The following NTRK2 variants were observed in gnomAD, a reference collection of about 807,000 sequenced individuals.
The protein encoded by NTRK2 is BDNF/NT-3 growth factors receptor.
NTRK2 carries 13 observed loss-of-function variants against 94.5 expected under a neutral mutation model. The ratio of observed to expected loss-of-function variants is 0.14; its 90% CI spans 0.09 to 0.22. The LOEUF (loss-of-function observed/expected upper bound fraction) is 0.22, where lower values mean the gene tolerates loss of function less well. Among genes scored for constraint, NTRK2 ranks in the 10% least tolerant of loss-of-function variants. The pLI is 1.00. For synonymous variants in NTRK2, 372 were observed against 407.4 expected (o/e 0.91, Z 1.05); for missense variants, 639 against 1,071.2 (o/e 0.60, Z 5.63).
At chr9:84,751,559 C>A (rs1008998537) in intron 11 of NTRK2, among the ~76,000 whole-genome samples, 1 of 151,954 alleles carries the variant, frequency 6.6e-6, no homozygotes, top group African/African-American at 2.4e-5. Context: ...TTAGCCTGAG[C>A]AACAAAGTGA....
chr9:84,750,245 C>A (rs552643801), intron 11 of NTRK2, among the ~76,000 whole-genome samples: 132 of 152,204 alleles, frequency 8.7e-4, no homozygotes, highest in African/African-American at 3.1e-3. Flanking sequence ...TGTCAAGTGT[C>A]CCCTGGATGG....
intron 14 of NTRK2, among the ~76,000 whole-genome samples, chr9:84,888,696 C>T (rs1050975288): frequency 6.7e-6 from 1 of 148,520 alleles, no homozygotes; most frequent in Non-Finnish European, 1.5e-5. Context: ...CTCAAAGCCA[C>T]CCCAGGGACT....
chr9:84,779,075 G>GC (rs2067317173), intron 12 of NTRK2, among the ~76,000 whole-genome samples: 1 of 152,126 alleles, frequency 6.6e-6, no homozygotes, highest in Non-Finnish European at 1.5e-5. Flanking sequence ...TGATTAGAAG[G>GC]CTTCAATTAC....
chr9:84,775,294 G>T (rs900158532), intron 12 of NTRK2, among the ~76,000 whole-genome samples: 5 of 152,238 alleles, frequency 3.3e-5, no homozygotes, highest in Non-Finnish European at 1.5e-5. Flanking sequence ...AGGTGACAGA[G>T]CGGGGACAAC....
intron 17 of NTRK2, among the ~76,000 whole-genome samples, chr9:84,960,798 C>T (rs921732409): frequency 6.6e-6 from 1 of 152,198 alleles, no homozygotes; most frequent in African/African-American, 2.4e-5. Context: ...ATCTATGTCT[C>T]TCATTAATAT....
In NTRK2 at chr9:84,670,595, G is replaced by C. The variant is rs937776970; in HGVS notation, c.-154G>C. The stretch of plus-strand genomic sequence containing the variant: ...CCGGAACACTCTTCGCTCCGGACCA[G>C]CTCAGCCTCTGATAAGCTGGACTCG... On this transcript the variant is annotated 5_prime_UTR_variant, in exon 2 of 19. Coordinates refer to ENST00000277120, the MANE Select transcript of NTRK2 (RefSeq NM_006180.6). 9 of 774,452 alleles carry C rather than the reference G, an allele frequency of 1.2e-5. No individual in the cohort carries two copies. The highest frequency in any genetic ancestry group is 1.3e-5 in the Non-Finnish European group (6 of 453,432). The allele number at this position is 774,452 out of a possible 1,614,324, so 48.0% of individuals were successfully genotyped here.
In NTRK2 at chr9:84,676,714, C is replaced by T. The variant is rs77142443; in HGVS notation, c.212+5754C>T. The stretch of plus-strand genomic sequence containing the variant: ...CTCCGTTCTGTGTTCTCAAACAGAC[C>T]GCCTAATTCTGGCTCATCATTTTAT... On this transcript the variant is annotated intron_variant, in intron 2 of 18. Coordinates refer to ENST00000277120, the MANE Select transcript of NTRK2 (RefSeq NM_006180.6). 4.7e-3 allele frequency among the ~76,000 whole-genome samples: 710 copies of T among 152,208 alleles called. 3 individuals carry two copies. Among genetic ancestry groups the T allele is most frequent in the African/African-American group, 0.016 (667 of 41,528 alleles).
At chr9:84,830,365 A>G (rs1040522751) in intron 12 of NTRK2, among the ~76,000 whole-genome samples, 2 of 152,194 alleles carry the variant, frequency 1.3e-5, no homozygotes, top group African/African-American at 4.8e-5. Flanking sequence ...GGGCATTTAA[A>G]TATTAGCACC....
In NTRK2 at chr9:84,770,153, AACACACACAC is replaced by A. The variant is rs35363257; in HGVS notation, c.1396+18100_1396+18109del. Among the ~76,000 whole-genome samples, 602 of 137,040 alleles carry A rather than the reference AACACACACAC, an allele frequency of 4.4e-3. 3 individuals carry two copies. Among genetic ancestry groups the A allele is most frequent in the African/African-American group, 0.015 (547 of 35,892 alleles). 89.9% of individuals were successfully genotyped at this position (137,040 alleles called of 152,430 possible). On this transcript the variant is annotated intron_variant, in intron 12 of 18. Transcript: ENST00000277120. ...TCCCCACTCCTGGCATGTGCATGAG[AACACACACAC>A]ACACACACACACACACACACACACA...
intron 10 of NTRK2, among the ~76,000 whole-genome samples, chr9:84,742,449 G>T (rs1211001270): frequency 6.6e-6 from 1 of 152,174 alleles, no homozygotes; most frequent in Non-Finnish European, 1.5e-5. Context: ...CTTCACTGAA[G>T]GCTGGTCCCC....
At chr9:84,693,138 A>C (rs113414991) in intron 2 of NTRK2, among the ~76,000 whole-genome samples, 3,935 of 152,296 alleles carry the variant, frequency 0.026, 73 homozygotes, top group Admixed American at 0.047. Flanking sequence ...TTAGTGACTA[A>C]TTAAAATTTT....
chr9:84,682,404 T>G (rs2059444482), intron 2 of NTRK2, among the ~76,000 whole-genome samples: 1 of 152,210 alleles, frequency 6.6e-6, no homozygotes, highest in Non-Finnish European at 1.5e-5. Context: ...TGAATACACT[T>G]TGTAACTCTT....
chr9:84,702,108 G>A, intron 2 of NTRK2, 51 bp from the exon 3 acceptor site: 1 of 1,538,126 alleles, frequency 6.5e-7, no homozygotes, highest in Non-Finnish European at 9.0e-7. Flanking sequence ...TCTTCATGGT[G>A]CTGCTGCCTA....
At chr9:84,901,701 A>G (rs1204256998) in intron 14 of NTRK2, among the ~76,000 whole-genome samples, 1 of 152,128 alleles carries the variant, frequency 6.6e-6, no homozygotes, top group Non-Finnish European at 1.5e-5. Flanking sequence ...AAATGCAATA[A>G]TGATGGTGGT....
chr9:84,758,140 T>G (rs1224480781), intron 12 of NTRK2, among the ~76,000 whole-genome samples: 1 of 151,758 alleles, frequency 6.6e-6, no homozygotes, highest in Non-Finnish European at 1.5e-5. Flanking sequence ...ATATATATAT[T>G]TATTTATTCA....
At chr9:84,783,795 T>C (rs2067849499) in intron 12 of NTRK2, among the ~76,000 whole-genome samples, 1 of 150,666 alleles carries the variant, frequency 6.6e-6, no homozygotes, top group African/African-American at 2.4e-5. Flanking sequence ...GGTAGAGAAT[T>C]GGGAGAAGAG....
At chr9:84,749,953 C>T (rs564821854) in intron 11 of NTRK2, among the ~76,000 whole-genome samples, 2 of 152,304 alleles carry the variant, frequency 1.3e-5, no homozygotes, top group East Asian at 1.9e-4. Context: ...TGCTTCATTT[C>T]GTGTATTGGC....
chr9:84,972,279 C>T (rs542613824), intron 17 of NTRK2, among the ~76,000 whole-genome samples: 42 of 152,298 alleles, frequency 2.8e-4, no homozygotes, highest in Non-Finnish European at 5.9e-4. Context: ...TAAAGAGGAA[C>T]TAAGAACGAG....
chr9:84,736,603 T>C (rs1239390113), intron 9 of NTRK2, among the ~76,000 whole-genome samples: 1 of 152,232 alleles, frequency 6.6e-6, no homozygotes, highest in Non-Finnish European at 1.5e-5. Flanking sequence ...AATTTATGTC[T>C]GCTTTTCTGC....
Sources: allele counts gnomAD v4.1 joint callset (sites outside exome capture counted in the v4.1 genomes callset), GRCh38; gene constraint gnomAD v4.1.1; transcripts MANE v1.5; gene names NCBI Gene and HGNC (gene_info 2026-07-23, HGNC 2026-07-21).